Variants in PRIM2 observed in about 807,000 individuals in gnomAD.
PRIM2 encodes the protein DNA primase subunit 2.
A neutral mutation model predicts 67.3 loss-of-function variants in PRIM2; 39 were observed. The ratio of observed to expected loss-of-function variants is 0.58; its 90% confidence interval spans 0.45 to 0.76. PRIM2 has a LOEUF of 0.76. PRIM2 is among the 30% of genes least tolerant of loss of function. The pLI, the probability that PRIM2 is intolerant of heterozygous loss-of-function variation, is 0.00. For synonymous variants in PRIM2, 143 were observed against 198.7 expected (o/e 0.72, Z 2.36); for missense variants, 398 against 598.7 (o/e 0.66, Z 3.50).
chr6:57,463,130 G>T (rs563673077), intron 7 of PRIM2, among the ~76,000 whole-genome samples: 5 of 152,150 alleles, frequency 3.3e-5, no homozygotes, highest in Non-Finnish European at 7.4e-5. Flanking sequence ...GCACTGGCTC[G>T]GAAATCTAGA....
chr6:57,422,626 C>G (rs1562744824), intron 7 of PRIM2, among the ~76,000 whole-genome samples: 1 of 151,912 alleles, frequency 6.6e-6, no homozygotes, highest in Non-Finnish European at 1.5e-5. Flanking sequence ...TACCAAAAAT[C>G]CATTTAGACT....
chr6:57,484,803 G>A (rs1490239510), intron 7 of PRIM2, among the ~76,000 whole-genome samples: 7,915 of 152,048 alleles, frequency 0.052, 285 homozygotes, highest in Non-Finnish European at 0.084. Flanking sequence ...AATTTTTCCT[G>A]TCTAAAATAG....
At chr6:57,270,967 A>C in the PRIM2 span, among the ~76,000 whole-genome samples, 3 of 152,034 alleles carry the variant, frequency 2.0e-5, no homozygotes, top group Admixed American at 2.0e-4. Flanking sequence ...CTTGCATCCC[A>C]GGGATGAAGC....
At chr6:57,303,075 T>C in the PRIM2 span, among the ~76,000 whole-genome samples, 2 of 152,220 alleles carry the variant, frequency 1.3e-5, no homozygotes, top group Non-Finnish European at 2.9e-5. Flanking sequence ...TATGTCTTTC[T>C]ATGTTTATAG....
intron 3 of PRIM2, among the ~76,000 whole-genome samples, chr6:57,323,113 C>T (rs992413869): frequency 1.3e-5 from 2 of 150,470 alleles, no homozygotes; most frequent in Non-Finnish European, 2.9e-5. Context: ...TAAATGGGTT[C>T]ATGCCTTAAA....
At chr6:57,546,816 C>G (rs1438657637) in intron 10 of PRIM2, among the ~76,000 whole-genome samples, 66 of 152,132 alleles carry the variant, frequency 4.3e-4, no homozygotes, top group Non-Finnish European at 7.5e-4. Flanking sequence ...GATCTTATAG[C>G]AAACCAATTG....
intron 5 of PRIM2, among the ~76,000 whole-genome samples, chr6:57,337,585 C>G (rs1768300850): frequency 6.6e-6 from 1 of 152,034 alleles, no homozygotes; most frequent in South Asian, 2.1e-4. Context: ...TACATGGAAA[C>G]TGAACAACCT....
At chr6:57,418,383 GTTTTTTTTT>G (rs34491627) in intron 7 of PRIM2, among the ~76,000 whole-genome samples, 1,457 of 47,300 alleles carry the variant, frequency 0.031, 122 homozygotes, top group African/African-American at 0.077. Flanking sequence ...TATGTGTGTG[GTTTTTTTTT>G]TTTTTTTTTT....
At chr6:57,552,262 C>T (rs1406898011) in intron 10 of PRIM2, among the ~76,000 whole-genome samples, 23 of 152,180 alleles carry the variant, frequency 1.5e-4, no homozygotes, top group Non-Finnish European at 2.1e-4. Flanking sequence ...AAGCTCACTG[C>T]GTCTCTGCTC....
chr6:57,452,433 T>G (rs1455068687), intron 7 of PRIM2, among the ~76,000 whole-genome samples: 1 of 152,228 alleles, frequency 6.6e-6, no homozygotes, highest in Non-Finnish European at 1.5e-5. Flanking sequence ...CTCCACATCC[T>G]CTCCAGCATC....
At chr6:57,586,221 A>G (rs1196563622) in intron 10 of PRIM2, among the ~76,000 whole-genome samples, 2 of 152,226 alleles carry the variant, frequency 1.3e-5, no homozygotes, top group Admixed American at 1.3e-4. Context: ...TTTGAGTTCC[A>G]TAGACTGAAT....
rs534077342 is a variant in PRIM2 at position 57,366,436 on chromosome 6, G to T, written c.460-13465G>T. Among the ~76,000 whole-genome samples, 87 of 152,254 alleles carry T rather than the reference G, an allele frequency of 5.7e-4. 1 individual carries two copies. The South Asian group carries it at 0.018, about 32-fold the overall frequency. On this transcript the variant is annotated intron_variant, in intron 5 of 13. Transcript: ENST00000615550. The stretch of plus-strand genomic sequence containing the variant: ...GATAATGGAGTAAGTGAGCAGGAAG[G>T]ACATGGAGATGTGGTTGGGGAAAAT...
intron 7 of PRIM2, among the ~76,000 whole-genome samples, chr6:57,483,088 A>G (rs1390333862): frequency 6.6e-6 from 1 of 152,016 alleles, no homozygotes; most frequent in Non-Finnish European, 1.5e-5. Flanking sequence ...TTGTATTTTT[A>G]TTAGAGATGG....
chr6:57,523,152 T>C (rs1368400217), intron 8 of PRIM2, among the ~76,000 whole-genome samples: 4 of 152,244 alleles, frequency 2.6e-5, no homozygotes, highest in Non-Finnish European at 5.9e-5. Flanking sequence ...ATGATGTTTA[T>C]TACAATTTAA....
chr6:57,271,068 G>A, the PRIM2 span, among the ~76,000 whole-genome samples: 1 of 152,158 alleles, frequency 6.6e-6, no homozygotes, highest in African/African-American at 2.4e-5. Flanking sequence ...ATGTTCATCA[G>A]GGATATCGGT....
chr6:57,602,897 G>A (rs1776495332), intron 11 of PRIM2, among the ~76,000 whole-genome samples: 1 of 152,154 alleles, frequency 6.6e-6, no homozygotes, highest in African/African-American at 2.4e-5. Flanking sequence ...CGTGTGGGAA[G>A]TTCAGAGTTC....
At chr6:57,344,644 T>C (rs9367723) in intron 5 of PRIM2, among the ~76,000 whole-genome samples, 1 of 152,366 alleles carries the variant, frequency 6.6e-6, no homozygotes, top group African/African-American at 2.4e-5. Flanking sequence ...TATTATTTTA[T>C]GTATATTTAT....
intron 10 of PRIM2, among the ~76,000 whole-genome samples, chr6:57,539,398 T>TA (rs1414559164): frequency 1.3e-5 from 2 of 152,190 alleles, no homozygotes; most frequent in African/African-American, 4.8e-5. Flanking sequence ...ATGAGTTACA[T>TA]AATATATCCT....
chr6:57,490,839 C>T (rs1218022366), intron 7 of PRIM2, among the ~76,000 whole-genome samples: 1 of 152,140 alleles, frequency 6.6e-6, no homozygotes, highest in South Asian at 2.1e-4. Flanking sequence ...TGGGCTCAAG[C>T]GATCCTTTCA....
Sources: gnomAD v4.1 joint callset for allele counts (sites outside exome capture counted in the v4.1 genomes callset) on GRCh38, gnomAD v4.1.1 for gene constraint, MANE v1.5 for transcripts, NCBI Gene and HGNC (gene_info 2026-07-23, HGNC 2026-07-21) for gene names.